Variants in ZFHX3 observed in about 807,000 individuals in gnomAD.
The protein encoded by ZFHX3 is zinc finger homeobox 3, also known as zinc finger homeobox protein 3.
ZFHX3 carries 42 observed loss-of-function variants against 279.1 expected under a neutral mutation model. The ratio of observed to expected loss-of-function variants is 0.15; its 90% CI spans 0.12 to 0.19. ZFHX3 has a LOEUF of 0.19. ZFHX3 is among the 10% of genes least tolerant of loss of function. The pLI is 1.00. For synonymous variants in ZFHX3, 2,293 were observed against 1,957.8 expected, an observed-to-expected ratio of 1.17 and a Z score of -4.52; for missense variants, 4,981 against 4,754.0, an observed-to-expected ratio of 1.05 and a Z score of -1.40.
chr16:73,549,759 A>C (rs2020175521), intron 2 of ZFHX3, among the ~76,000 whole-genome samples: 1 of 152,190 alleles, frequency 6.6e-6, no homozygotes, highest in African/African-American at 2.4e-5. Context: ...GCCAGCTTAA[A>C]TCTGAGCAGA....
chr16:73,776,259 G>A (rs2142297749), intron 1 of ZFHX3, among the ~76,000 whole-genome samples: 1 of 152,278 alleles, frequency 6.6e-6, no homozygotes, highest in South Asian at 2.1e-4. Flanking sequence ...AGTGTGCAGG[G>A]CTAGGAGAGC....
intron 6 of ZFHX3, among the ~76,000 whole-genome samples, chr16:73,138,388 G>C (rs574329229): frequency 1.3e-5 from 2 of 152,196 alleles, no homozygotes; most frequent in Admixed American, 1.3e-4. Flanking sequence ...GAATCTACCC[G>C]CTGACGGTCA....
At chr16:73,843,867 G>C (rs1309204524) in intron 1 of ZFHX3, among the ~76,000 whole-genome samples, 1 of 152,218 alleles carries the variant, frequency 6.6e-6, no homozygotes, top group Non-Finnish European at 1.5e-5. Context: ...AAACAAAGGG[G>C]CGTGGCTGTG....
chr16:72,892,181 T>C (rs928155581), intron 3 of ZFHX3, among the ~76,000 whole-genome samples: 1 of 152,170 alleles, frequency 6.6e-6, no homozygotes, highest in African/African-American at 2.4e-5. Context: ...ATGCACCAAC[T>C]AAGTGTCACA....
At chr16:72,890,053 G>A (rs2038731551) in intron 3 of ZFHX3, 91 bp from the exon 4 acceptor site, 2 of 1,198,462 alleles carry the variant, frequency 1.7e-6, no homozygotes, top group African/African-American at 1.5e-5. Flanking sequence ...CACAGCCAGA[G>A]GCATGCCTCC....
At chr16:73,742,931 CATT>C (rs2053672293) in intron 1 of ZFHX3, among the ~76,000 whole-genome samples, 1 of 152,074 alleles carries the variant, frequency 6.6e-6, no homozygotes, top group African/African-American at 2.4e-5. Flanking sequence ...AAAAAGTTGT[CATT>C]ATTTATGTCA....
chr16:73,781,036 C>G (rs1317785122), intron 1 of ZFHX3, among the ~76,000 whole-genome samples: 1 of 152,084 alleles, frequency 6.6e-6, no homozygotes, highest in African/African-American at 2.4e-5. Context: ...AAAGCTTTAG[C>G]AGTGATTATG....
chr16:73,170,223 G>GTTTTTTTTTTTTTAT (rs1967487948), intron 5 of ZFHX3, among the ~76,000 whole-genome samples: 1 of 57,718 alleles, frequency 1.7e-5, no homozygotes, highest in African/African-American at 7.3e-5. Context: ...CCTTTCACTA[G>GTTTTTTTTTTTTTAT]TTTTTTTTTT....
At chr16:73,660,674 A>G (rs923381790) in intron 2 of ZFHX3, among the ~76,000 whole-genome samples, 1 of 152,176 alleles carries the variant, frequency 6.6e-6, no homozygotes, top group Non-Finnish European at 1.5e-5. Flanking sequence ...AAACACAATG[A>G]AAACGTGCTT....
At chr16:73,213,786 C>T (rs183081901) in intron 5 of ZFHX3, among the ~76,000 whole-genome samples, 2 of 152,036 alleles carry the variant, frequency 1.3e-5, no homozygotes, top group South Asian at 2.1e-4. Flanking sequence ...TTTATGGGCC[C>T]GGGTCCCATT....
chr16:73,207,353 G>A (rs2011848211), intron 5 of ZFHX3, among the ~76,000 whole-genome samples: 1 of 152,110 alleles, frequency 6.6e-6, no homozygotes. Flanking sequence ...AAATTACAGG[G>A]CACAAAATTA....
At chr16:72,965,560 C>T (rs1318334909) in intron 1 of ZFHX3, among the ~76,000 whole-genome samples, 1 of 152,192 alleles carries the variant, frequency 6.6e-6, no homozygotes, top group Non-Finnish European at 1.5e-5. Flanking sequence ...TGAGCATGTA[C>T]TATGTGTCAG....
intron 5 of ZFHX3, among the ~76,000 whole-genome samples, chr16:73,219,208 G>C (rs766695824): frequency 1.3e-5 from 2 of 152,272 alleles, no homozygotes; most frequent in South Asian, 2.1e-4. Context: ...TGGACATTTA[G>C]GTTCTTGGAT....
At chr16:73,485,606 T>TC (rs1435426914) in intron 2 of ZFHX3, among the ~76,000 whole-genome samples, 2 of 152,144 alleles carry the variant, frequency 1.3e-5, no homozygotes, top group African/African-American at 4.8e-5. Context: ...CTTTCTCTCT[T>TC]CCCTTCTCAG....
At chr16:73,158,383 C>T (rs1252852245) in intron 5 of ZFHX3, among the ~76,000 whole-genome samples, 1 of 152,180 alleles carries the variant, frequency 6.6e-6, no homozygotes, top group Non-Finnish European at 1.5e-5. Context: ...CTAAATATGA[C>T]ATGAAAGTCC....
At chr16:73,792,567 G>A (rs1417632472) in intron 1 of ZFHX3, among the ~76,000 whole-genome samples, 1 of 152,206 alleles carries the variant, frequency 6.6e-6, no homozygotes, top group Non-Finnish European at 1.5e-5. Flanking sequence ...GGTTCCAGAT[G>A]TTCAGCCGTC....
chr16:73,562,654 C>T (rs958752949), intron 2 of ZFHX3, among the ~76,000 whole-genome samples: 2 of 148,838 alleles, frequency 1.3e-5, no homozygotes, highest in Non-Finnish European at 3.0e-5. Flanking sequence ...CTTGTCTCAC[C>T]AGAGAAGGCA....
At chr16:73,863,669 G>C (rs1961939137) in intron 1 of ZFHX3, among the ~76,000 whole-genome samples, 3 of 152,138 alleles carry the variant, frequency 2.0e-5, no homozygotes, top group Admixed American at 2.0e-4. Context: ...TCATACGATG[G>C]TCATGTGTGC....
rs185897367 is a variant in ZFHX3, at chr16:73,565,842, C to T, written c.-1546-109584G>A. Among the ~76,000 whole-genome samples, 230 of 152,270 alleles carry T rather than the reference C, an allele frequency of 1.5e-3. 2 individuals are homozygous for T. The highest frequency in any genetic ancestry group is 5.1e-3 in the African/African-American group (211 of 41,550). ...TGCAACTTACATCCTGTGCCTCACT[C>T]GTGTTGCTAGTCAGGGGACCAGTGG... On this transcript the variant is annotated intron_variant, in intron 2 of 17. Transcript: ENST00000641206.
Sources: gnomAD v4.1 joint callset for allele counts (sites outside exome capture counted in the v4.1 genomes callset) on GRCh38, gnomAD v4.1.1 for gene constraint, MANE v1.5 for transcripts, NCBI Gene and HGNC (gene_info 2026-07-23, HGNC 2026-07-21) for gene names.